Variants in RGS7 observed in about 807,000 individuals in gnomAD.
RGS7 encodes the protein regulator of G protein signaling 7, also known as regulator of G-protein signaling 7.
Under a neutral mutation model 81.1 loss-of-function variants are expected in RGS7, and 27 were observed. The ratio of observed to expected loss-of-function variants is 0.33; its 90% CI spans 0.25 to 0.46. The LOEUF (loss-of-function observed/expected upper bound fraction) is 0.46, where lower values mean the gene tolerates loss of function less well. Ranked by LOEUF, RGS7 falls within the 20% of genes least tolerant of loss-of-function variation. The pLI, the probability that RGS7 is intolerant of heterozygous loss-of-function variation, is 1.00. For missense variants in RGS7, 396 were observed against 607.4 expected (o/e 0.65, Z 3.66); for synonymous variants, 208 against 207.7 (o/e 1.00, Z -0.01).
At chr1:241,180,361 C>G (rs765766148) in intron 2 of RGS7, among the ~76,000 whole-genome samples, 66 of 151,758 alleles carry the variant, frequency 4.3e-4, no homozygotes, top group Non-Finnish European at 8.2e-4. Context: ...GGCAACAGAG[C>G]GAGACTCCAT....
chr1:240,984,563 AT>A (rs1685386041), intron 3 of RGS7, among the ~76,000 whole-genome samples: 1 of 152,238 alleles, frequency 6.6e-6, no homozygotes, highest in African/African-American at 2.4e-5. Context: ...ATTCATTTGT[AT>A]TTAAAATTGG....
chr1:241,003,236 C>T (rs187938872), intron 3 of RGS7, among the ~76,000 whole-genome samples: 17 of 151,880 alleles, frequency 1.1e-4, no homozygotes, highest in Admixed American at 6.6e-4. Context: ...CCAAGGCAGG[C>T]GGATCATGAG....
Position 241,327,141 on chromosome 1 carries a change from A to AGAAAGAAG in RGS7, c.78+28557_78+28558insCTTCTTTC, listed in dbSNP as rs1553320905. Among the ~76,000 whole-genome samples the AGAAAGAAG allele has an allele frequency of 6.3e-5, 5 of 78,786 alleles. No individual in the cohort carries two copies. In the East Asian group the frequency reaches 1.7e-3, roughly 27 times the overall value. 51.7% of individuals were successfully genotyped at this position (78,786 alleles called of 152,430 possible). ...AAGAAAGAAAGAAAGAAAGAAAGAA[A>AGAAAGAAG]GAAAGGAAAGAAAGAAAGAAAGAAA... On this transcript the variant is annotated intron_variant, in intron 2 of 18. Transcript: ENST00000440928.
At chr1:241,043,242 A>G (rs1007407603) in intron 3 of RGS7, among the ~76,000 whole-genome samples, 7 of 151,982 alleles carry the variant, frequency 4.6e-5, no homozygotes, top group Non-Finnish European at 7.4e-5. Context: ...TTTTCTTTTT[A>G]TATGAGCTAT....
chr1:241,012,176 A>G (rs951814724), intron 3 of RGS7, among the ~76,000 whole-genome samples: 1 of 152,192 alleles, frequency 6.6e-6, no homozygotes, highest in East Asian at 1.9e-4. Flanking sequence ...ACCGTGAGCT[A>G]TATCAATGCA....
chr1:241,217,438 C>T (rs1049177248), intron 2 of RGS7, among the ~76,000 whole-genome samples: 4 of 152,110 alleles, frequency 2.6e-5, no homozygotes, highest in African/African-American at 7.2e-5. Flanking sequence ...CTCCAGTCAT[C>T]CAGGAAGTAG....
chr1:241,013,076 T>TTTTA (rs2059045237), intron 3 of RGS7, among the ~76,000 whole-genome samples: 4 of 104,038 alleles, frequency 3.8e-5, no homozygotes, highest in African/African-American at 1.2e-4. Flanking sequence ...TTTTTTTTTT[T>TTTTA]TTGTGAAACG....
chr1:240,799,226 A>G (rs1687591761), intron 18 of RGS7, among the ~76,000 whole-genome samples: 1 of 150,836 alleles, frequency 6.6e-6, no homozygotes, highest in Non-Finnish European at 1.5e-5. Context: ...ACACTAAGCA[A>G]CAGTGTCTGA....
chr1:241,303,985 T>C (rs2079930242), intron 2 of RGS7, among the ~76,000 whole-genome samples: 1 of 152,262 alleles, frequency 6.6e-6, no homozygotes, highest in Admixed American at 6.5e-5. Context: ...CTACTGATGA[T>C]TCTTTCAAAA....
At chr1:241,182,142 T>C (rs934189286) in intron 2 of RGS7, among the ~76,000 whole-genome samples, 6 of 152,128 alleles carry the variant, frequency 3.9e-5, no homozygotes. Flanking sequence ...TCTGGGTCCT[T>C]GACTAAGTCC....
chr1:241,107,760 TGAACCCAAGGA>T (rs1299849090), intron 2 of RGS7, among the ~76,000 whole-genome samples: 1 of 152,186 alleles, frequency 6.6e-6, no homozygotes, highest in Non-Finnish European at 1.5e-5. Flanking sequence ...CAAGTTTATA[TGAACCCAAGGA>T]GAAATTCCTT....
At chr1:241,151,161 A>G (rs2068721120) in intron 2 of RGS7, among the ~76,000 whole-genome samples, 1 of 152,190 alleles carries the variant, frequency 6.6e-6, no homozygotes, top group Admixed American at 6.5e-5. Flanking sequence ...TCGTGCCCAG[A>G]AACAATGTTT....
intron 6 of RGS7, among the ~76,000 whole-genome samples, chr1:240,904,199 G>T: frequency 6.6e-6 from 1 of 152,060 alleles, no homozygotes; most frequent in East Asian, 1.9e-4. Context: ...ATGGAGAAAA[G>T]AATAAAATTT....
At chr1:240,917,948 C>G (rs933026924) in intron 6 of RGS7, among the ~76,000 whole-genome samples, 2 of 152,044 alleles carry the variant, frequency 1.3e-5, no homozygotes, top group African/African-American at 4.8e-5. Flanking sequence ...CAAAATAAAG[C>G]TAAATTAGAT....
chr1:240,826,581 C>A (rs1033303509), intron 10 of RGS7, among the ~76,000 whole-genome samples: 2 of 152,138 alleles, frequency 1.3e-5, no homozygotes, highest in Admixed American at 6.5e-5. Context: ...TCTAGTTGTA[C>A]GTGTTGCTTT....
intron 2 of RGS7, among the ~76,000 whole-genome samples, chr1:241,117,109 C>CG (rs2065932930): frequency 6.6e-6 from 1 of 152,044 alleles, no homozygotes; most frequent in South Asian, 2.1e-4. Context: ...AAAAAAAACA[C>CG]GGCAAAAATG....
intron 3 of RGS7, among the ~76,000 whole-genome samples, chr1:240,989,071 G>A (rs762636672): frequency 4.6e-5 from 7 of 152,096 alleles, no homozygotes; most frequent in Non-Finnish European, 7.4e-5. Flanking sequence ...TGGATAACAT[G>A]AGCGACTGCT....
At chr1:241,246,731 T>C (rs1255386047) in intron 2 of RGS7, among the ~76,000 whole-genome samples, 1 of 152,072 alleles carries the variant, frequency 6.6e-6, no homozygotes, top group African/African-American at 2.4e-5. Flanking sequence ...CTAGTTGCTA[T>C]TATAAATTGT....
At position 240,814,592 on chromosome 1, in the gene RGS7, A is replaced by G. The variant is rs1173905769; in HGVS notation, c.845+124T>C. ...TATGTGCAAAAAGGAAAACAAAATCACATTACTTACAGGATTCCAATTATC... is the reference window on the plus strand; with the variant it reads ...TATGTGCAAAAAGGAAAACAAAATCGCATTACTTACAGGATTCCAATTATC... On this transcript the variant is annotated intron_variant, in intron 12 of 18. Coordinates refer to ENST00000440928, the MANE Select transcript of RGS7 (RefSeq NM_001364886.1). The G allele has an allele frequency of 1.6e-5, 11 of 679,522 alleles. No individual in the cohort carries two copies. The Admixed American group carries it at 2.4e-4, about 15-fold the overall frequency. The allele number at this position is 679,522 out of a possible 1,614,324, so 42.1% of individuals were successfully genotyped here.
Sources: allele counts gnomAD v4.1 joint callset (sites outside exome capture counted in the v4.1 genomes callset), GRCh38; gene constraint gnomAD v4.1.1; transcripts MANE v1.5; gene names NCBI Gene and HGNC (gene_info 2026-07-23, HGNC 2026-07-21).